Variants in PROS1 observed in about 807,000 individuals in gnomAD.
PROS1 encodes the protein protein S, also known as vitamin K-dependent protein S.
Under a neutral mutation model 75.9 loss-of-function variants are expected in PROS1, and 29 were observed. The observed-to-expected ratio is 0.38, with a 90% confidence interval of 0.28 to 0.52. PROS1 has a LOEUF of 0.52. PROS1 is among the 20% of genes least tolerant of loss of function. The pLI, the probability that PROS1 is intolerant of heterozygous loss-of-function variation, is 0.83. For synonymous variants in PROS1, 245 were observed against 280.6 expected (o/e 0.87, Z 1.27); for missense variants, 680 against 810.3 (o/e 0.84, Z 1.95).
At position 93,906,103 on chromosome 3, in the gene PROS1, A is replaced by T; in HGVS notation, c.387T>A (p.Asp129Glu). The T allele has an allele frequency of 6.2e-7, 1 of 1,613,998 alleles. No homozygotes were observed. The highest frequency in any genetic ancestry group is 8.5e-7 in the Non-Finnish European group (1 of 1,179,990). ...DQCSPLPCNEDGYMSCKDGKA... is the reference protein window; with the variant it reads ...DQCSPLPCNEEGYMSCKDGKA... ...TTCCATCTTTGCAGCTCATATATCC[A>T]TCTTCATTGCATGGCAGAGGACTAC... Residue 129 changes from aspartate to glutamate, a missense_variant, in exon 5 of 15, where the codon GAT becomes GAA. By Grantham distance (45) the Asp-to-Glu change is conservative. Coordinates refer to ENST00000394236, the MANE Select transcript of PROS1 (RefSeq NM_000313.4).
chr3:93,901,057 C>T (rs1708586490), intron 6 of PROS1, 128 bp from the exon 7 acceptor site: 4 of 942,398 alleles, frequency 4.2e-6, no homozygotes, highest in South Asian at 1.6e-5. Context: ...GGCCTTTGGA[C>T]CAAAAAACAT....
chr3:93,901,691 C>G (rs1462451504), intron 6 of PROS1, among the ~76,000 whole-genome samples: 1 of 152,100 alleles, frequency 6.6e-6, no homozygotes, highest in Non-Finnish European at 1.5e-5. Flanking sequence ...GATTAATAGT[C>G]AAAATTTAGG....
chr3:93,896,458 T>C (rs1387340920), intron 9 of PROS1, 118 bp downstream of exon 9: 1 of 789,126 alleles, frequency 1.3e-6, no homozygotes, highest in Non-Finnish European at 2.3e-6. Context: ...TGATTGGTAA[T>C]ATGACTACAT....
Position 93,896,631 on chromosome 3 carries a change from C to T in PROS1, c.910G>A (p.Glu304Lys). 6.2e-7 allele frequency: 1 copy of T among 1,613,844 alleles called. No homozygotes were observed. The highest frequency in any genetic ancestry group is 8.5e-7 in the Non-Finnish European group (1 of 1,179,886). The change falls in exon 9 of 15, where the codon GAG becomes AAG. Residue 304 changes from glutamate to lysine, a missense_variant. Physicochemically the swap from Glu to Lys is moderately conservative, Grantham distance 56. Coordinates refer to ENST00000394236, the MANE Select transcript of PROS1 (RefSeq NM_000313.4). ...TATAAAACAACCCCTGCAAACTGCT[C>T]CGCCAAGTAAAGTAATTCATACTTT... ...DTKYELLYLAEQFAGVVLYLK... is the reference protein window; with the variant it reads ...DTKYELLYLAKQFAGVVLYLK...
intron 6 of PROS1, among the ~76,000 whole-genome samples, chr3:93,902,407 C>T (rs915375946): frequency 2.6e-5 from 4 of 152,164 alleles, no homozygotes; most frequent in Non-Finnish European, 4.4e-5. Context: ...GTTTAAGTTA[C>T]AGTACATTGG....
intron 1 of PROS1, among the ~76,000 whole-genome samples, chr3:93,967,477 T>G (rs1381388061): frequency 6.6e-6 from 1 of 152,218 alleles, no homozygotes; most frequent in Admixed American, 6.5e-5. Context: ...GGAGCTAACC[T>G]TATGGAATGA....
At chr3:93,907,272 C>T (rs1413885174) in intron 4 of PROS1, among the ~76,000 whole-genome samples, 1 of 152,234 alleles carries the variant, frequency 6.6e-6, no homozygotes, top group African/African-American at 2.4e-5. Flanking sequence ...AGACAACCAG[C>T]TGCAGAAAGG....
intron 1 of PROS1, among the ~76,000 whole-genome samples, chr3:93,958,087 C>A (rs944643886): frequency 6.6e-6 from 1 of 151,256 alleles, no homozygotes; most frequent in East Asian, 1.9e-4. Context: ...GAATCCATCT[C>A]AAAAAAATAA....
In PROS1 at chr3:93,900,824, A is replaced by C. The variant is rs778562750; in HGVS notation, c.707T>G (p.Leu236Arg). The change falls in exon 7 of 15, where the codon CTC (leucine) becomes CGC (arginine). Residue 236 changes from leucine to arginine, a missense_variant. Physicochemically the swap from Leu to Arg is moderately radical, Grantham distance 102. Transcript: ENST00000394236. Reference protein sequence around the residue: ...CECPEGYRYNLKSKSCEDIDE... With the variant: ...CECPEGYRYNRKSKSCEDIDE... ...CCTACCTTCACAAGACTTTGATTTG[A>C]GATTATATCTGTAGCCTTCGGGGCA... 4.0e-5 allele frequency: 64 copies of C among 1,613,270 alleles called. No homozygotes were observed. Among genetic ancestry groups the C allele is most frequent in the Non-Finnish European group, 5.1e-5 (60 of 1,179,896 alleles).
intron 10 of PROS1, among the ~76,000 whole-genome samples, chr3:93,886,882 C>T (rs1423566516): frequency 6.6e-6 from 1 of 151,192 alleles, no homozygotes; most frequent in Admixed American, 6.6e-5. Flanking sequence ...TGATAATACG[C>T]ACATGGAATC....
intron 4 of PROS1, among the ~76,000 whole-genome samples, chr3:93,906,833 G>A (rs1708684094): frequency 6.6e-6 from 1 of 152,252 alleles, no homozygotes. Flanking sequence ...GGTTGGAGCT[G>A]AAGCCAGCTG....
At position 93,877,129 on chromosome 3, in the gene PROS1, G is replaced by A. The variant is rs566166669; in HGVS notation, c.1707C>T (p.Ser569=). The change falls in exon 14 of 15, where the codon TCC becomes TCT. Residue 569 remains serine, a synonymous_variant. Coordinates refer to ENST00000394236, the MANE Select transcript of PROS1 (RefSeq NM_000313.4). ...IYRIQALSLC[S]DQQSHLEFRV... Reference sequence around the variant, plus strand: ...TAAATTCCAGATGAGATTGTTGATCGGAACATAGACTTAGGGCCTGTATCC... The same window carrying A: ...TAAATTCCAGATGAGATTGTTGATCAGAACATAGACTTAGGGCCTGTATCC... 47 of 1,612,594 alleles carry A rather than the reference G, an allele frequency of 2.9e-5. No homozygotes were observed. Among genetic ancestry groups the A allele is most frequent in the Middle Eastern group, 3.3e-4 (2 of 6,054 alleles).
In PROS1 at chr3:93,898,527, A is replaced by G; in HGVS notation, c.770T>C (p.Val257Ala). ...GCAAGTGTAACCTCCAGGGTAATTG[A>G]CACAAAGCTGAGCACACATGTTCTC... is the stretch of plus-strand genomic sequence containing the variant. Reference protein sequence around the residue: ...CSENMCAQLCVNYPGGYTCYC... With the variant: ...CSENMCAQLCANYPGGYTCYC... The change falls in exon 8 of 15, where the codon GTC (valine) becomes GCC (alanine). Residue 257 changes from valine to alanine, a missense_variant. Transcript: ENST00000394236. 6.2e-7 allele frequency: 1 copy of G among 1,612,832 alleles called. No homozygotes were observed. Among genetic ancestry groups the G allele is most frequent in the South Asian group, 1.1e-5 (1 of 91,058 alleles).
At chr3:93,877,912 G>T (rs565393966) in intron 13 of PROS1, among the ~76,000 whole-genome samples, 5 of 152,292 alleles carry the variant, frequency 3.3e-5, no homozygotes, top group South Asian at 2.1e-4. Flanking sequence ...TAAGTGAAAA[G>T]ACTAACTTTG....
At chr3:93,907,491 T>G (rs558172495) in intron 4 of PROS1, among the ~76,000 whole-genome samples, 4 of 152,114 alleles carry the variant, frequency 2.6e-5, no homozygotes, top group Non-Finnish European at 1.5e-5. Flanking sequence ...AGGAGCCACC[T>G]GCTTCAAGCC....
intron 1 of PROS1, among the ~76,000 whole-genome samples, chr3:93,951,537 G>A (rs1477183122): frequency 2.0e-5 from 3 of 152,142 alleles, no homozygotes; most frequent in Non-Finnish European, 4.4e-5. Flanking sequence ...TTACAGGCAA[G>A]TAAATGCTGA....
chr3:93,922,571 A>G (rs1250302010), intron 3 of PROS1, among the ~76,000 whole-genome samples: 1 of 152,228 alleles, frequency 6.6e-6, no homozygotes, highest in African/African-American at 2.4e-5. Context: ...ATATTGCCCC[A>G]AATATATGGG....
At chr3:93,907,361 T>G (rs535257742) in intron 4 of PROS1, among the ~76,000 whole-genome samples, 1 of 152,086 alleles carries the variant, frequency 6.6e-6, no homozygotes, top group Admixed American at 6.5e-5. Context: ...AACCACTGTC[T>G]CCAGGCCCTC....
intron 1 of PROS1, among the ~76,000 whole-genome samples, chr3:93,965,856 G>A (rs1325850306): frequency 6.6e-6 from 1 of 151,990 alleles, no homozygotes; most frequent in Non-Finnish European, 1.5e-5. Flanking sequence ...CACCACATCT[G>A]GCTAATTTTT....
Sources: allele counts gnomAD v4.1 joint callset (sites outside exome capture counted in the v4.1 genomes callset), GRCh38; gene constraint gnomAD v4.1.1; transcripts MANE v1.5; gene names NCBI Gene and HGNC (gene_info 2026-07-23, HGNC 2026-07-21).